The following PHACTR1 variants were observed in gnomAD, a reference collection of about 807,000 sequenced individuals.
PHACTR1 encodes the protein phosphatase and actin regulator 1.
Under a neutral mutation model 69.2 loss-of-function variants are expected in PHACTR1, and 16 were observed. The ratio of observed to expected loss-of-function variants is 0.23; its 90% confidence interval spans 0.16 to 0.35. The LOEUF (loss-of-function observed/expected upper bound fraction) is 0.35, where lower values mean the gene tolerates loss of function less well. Ranked by LOEUF, PHACTR1 falls within the 10% of genes least tolerant of loss-of-function variation. The pLI, the probability that PHACTR1 is intolerant of heterozygous loss-of-function variation, is 1.00. For synonymous variants in PHACTR1, 312 were observed against 284.5 expected, an observed-to-expected ratio of 1.10 and a Z score of -0.97; for missense variants, 510 against 734.7, an observed-to-expected ratio of 0.69 and a Z score of 3.54.
At chr6:12,962,002 C>T (rs1792806477) in intron 4 of PHACTR1, among the ~76,000 whole-genome samples, 1 of 152,186 alleles carries the variant, frequency 6.6e-6, no homozygotes, top group South Asian at 2.1e-4. Context: ...GATCTCAGCT[C>T]TCTGCAGCCT....
chr6:13,032,167 C>T (rs1299608746), intron 4 of PHACTR1, among the ~76,000 whole-genome samples: 1 of 152,178 alleles, frequency 6.6e-6, no homozygotes, highest in East Asian at 1.9e-4. Flanking sequence ...TTTGCCAACT[C>T]ATTCCTTAGT....
intron 5 of PHACTR1, among the ~76,000 whole-genome samples, chr6:13,098,281 A>T (rs1814603678): frequency 6.6e-6 from 1 of 152,180 alleles, no homozygotes; most frequent in Admixed American, 6.5e-5. Context: ...CCAATTGAAC[A>T]GTCCTTCTTA....
intron 10 of PHACTR1, among the ~76,000 whole-genome samples, chr6:13,268,561 C>T (rs1189545571): frequency 2.0e-5 from 3 of 152,200 alleles, no homozygotes; most frequent in Non-Finnish European, 4.4e-5. Context: ...ACATTATAGG[C>T]ATTAAATCAG....
At chr6:12,864,572 C>T (rs890110955) in intron 4 of PHACTR1, among the ~76,000 whole-genome samples, 5 of 151,610 alleles carry the variant, frequency 3.3e-5, no homozygotes, top group African/African-American at 4.8e-5. Flanking sequence ...CCCAGCTACT[C>T]GGGAGGCTGA....
At chr6:12,890,941 A>G (rs538502423) in intron 4 of PHACTR1, among the ~76,000 whole-genome samples, 18 of 152,294 alleles carry the variant, frequency 1.2e-4, no homozygotes, top group Non-Finnish European at 1.9e-4. Flanking sequence ...TTGTTCACTC[A>G]TGTATCCCAG....
At chr6:13,197,252 G>A (rs538835761) in intron 7 of PHACTR1, among the ~76,000 whole-genome samples, 1 of 152,276 alleles carries the variant, frequency 6.6e-6, no homozygotes, top group African/African-American at 2.4e-5. Flanking sequence ...TGGAGACTTT[G>A]TAAAATTAGA....
chr6:12,809,681 T>C (rs376275995), intron 4 of PHACTR1, among the ~76,000 whole-genome samples: 6 of 152,228 alleles, frequency 3.9e-5, no homozygotes, highest in African/African-American at 1.2e-4. Context: ...AAATGGTAGA[T>C]GTGAGCACAG....
rs148314479 is a variant in PHACTR1 at position 13,157,806 on chromosome 6, A to G, written c.416-2398A>G. ...AACATCTGTAACAAACCCCGTACTTAAAGCCCCCCTGCTTCACCTTACCTG... is the reference window on the plus strand; with the variant it reads ...AACATCTGTAACAAACCCCGTACTTGAAGCCCCCCTGCTTCACCTTACCTG... On this transcript the variant is annotated intron_variant, in intron 5 of 14. Coordinates refer to ENST00000332995, the MANE Select transcript of PHACTR1 (RefSeq NM_030948.6). 2.5e-3 allele frequency among the ~76,000 whole-genome samples: 385 copies of G among 152,306 alleles called. 3 individuals are homozygous for G. Among genetic ancestry groups the G allele is most frequent in the African/African-American group, 9.0e-3 (374 of 41,572 alleles).
intron 6 of PHACTR1, among the ~76,000 whole-genome samples, chr6:13,181,010 C>T (rs181398450): frequency 5.9e-4 from 90 of 152,170 alleles, no homozygotes; most frequent in African/African-American, 2.1e-3. Context: ...AAAAAAAACA[C>T]ACTCTTCAAA....
chr6:12,720,903 A>G (rs1164079561), intron 3 of PHACTR1, among the ~76,000 whole-genome samples: 1 of 152,236 alleles, frequency 6.6e-6, no homozygotes, highest in East Asian at 1.9e-4. Flanking sequence ...TAGAGGCAGG[A>G]TGACATAGTG....
chr6:12,743,819 A>AC (rs1765397347), intron 3 of PHACTR1, among the ~76,000 whole-genome samples: 1 of 152,230 alleles, frequency 6.6e-6, no homozygotes. Context: ...ATAGACATCT[A>AC]CAGAACTCTC....
chr6:12,859,253 T>G lies in PHACTR1; in HGVS notation c.250+109463T>G, dbSNP rs79652590. ...ATCACAGGTTACTGGCCATTCTTTTTTAATACCCTACACATACTTTTTTTC... is the reference window on the plus strand; with the variant it reads ...ATCACAGGTTACTGGCCATTCTTTTGTAATACCCTACACATACTTTTTTTC... On this transcript the variant is annotated intron_variant, in intron 4 of 14. Transcript: ENST00000332995. Among the ~76,000 whole-genome samples the G allele has an allele frequency of 9.1e-3, 1,384 of 152,310 alleles. 7 individuals carry two copies. The highest frequency in any genetic ancestry group is 0.014 in the Non-Finnish European group (960 of 68,012).
At chr6:12,884,370 C>A (rs1289880261) in intron 4 of PHACTR1, among the ~76,000 whole-genome samples, 1 of 151,676 alleles carries the variant, frequency 6.6e-6, no homozygotes, top group African/African-American at 2.4e-5. Context: ...CATCATGGTT[C>A]AGTCCAGACA....
chr6:13,111,025 G>A (rs566469281), intron 5 of PHACTR1, among the ~76,000 whole-genome samples: 2 of 151,922 alleles, frequency 1.3e-5, no homozygotes, highest in African/African-American at 2.4e-5. Flanking sequence ...TCCTTTGAAT[G>A]GATATACCAC....
At position 13,186,084 on chromosome 6, in the gene PHACTR1, G is replaced by C. The variant is rs191118348; in HGVS notation, c.664+3398G>C. 1.7e-3 allele frequency among the ~76,000 whole-genome samples: 252 copies of C among 152,286 alleles called. 2 individuals carry two copies. Among genetic ancestry groups the C allele is most frequent in the African/African-American group, 6.0e-3 (248 of 41,546 alleles). On this transcript the variant is annotated intron_variant, in intron 7 of 14. Transcript: ENST00000332995. ...GTCAAACTAATCTATTAATGTGTAT[G>C]TCCATCCAAGTCAGATGTGTATGGC...
intron 4 of PHACTR1, among the ~76,000 whole-genome samples, chr6:12,856,226 T>A (rs1358837909): frequency 4.0e-5 from 6 of 150,686 alleles, no homozygotes; most frequent in Non-Finnish European, 8.8e-5. Context: ...CTTTCTTTTT[T>A]TCTTTTCTTT....
chr6:12,981,192 A>G (rs529639900), intron 4 of PHACTR1, among the ~76,000 whole-genome samples: 143 of 152,258 alleles, frequency 9.4e-4, no homozygotes, highest in Non-Finnish European at 1.6e-3. Context: ...AATCGCCAAG[A>G]ACTTCATAAT....
Position 13,287,107 on chromosome 6 carries a change from G to A in PHACTR1, c.*29G>A, listed in dbSNP as rs778724576. 11 of 1,587,898 alleles carry A rather than the reference G, an allele frequency of 6.9e-6. No individual in the cohort carries two copies. The South Asian group carries it at 1.1e-4, about 16-fold the overall frequency. The stretch of plus-strand genomic sequence containing the variant: ...TCGAATTCCTCTTGAGTGCTATGCT[G>A]TCTTCAAAACATAAATTTATAAGAA... On this transcript the variant is annotated 3_prime_UTR_variant, in exon 15 of 15. Coordinates refer to ENST00000332995, the MANE Select transcript of PHACTR1 (RefSeq NM_030948.6).
Position 13,205,895 on chromosome 6 carries a change from A to G in PHACTR1, c.745A>G (p.Met249Val). 1 of 1,613,318 alleles carries G rather than the reference A, an allele frequency of 6.2e-7. No homozygotes were observed. The highest frequency in any genetic ancestry group is 8.5e-7 in the Non-Finnish European group (1 of 1,179,344). ...ACCTCCAAAGAAAGTCATGATCTGT[A>G]TGCCCGTGGGGGGGCCAGACCTCTC... ...PLPPKKVMIC[M>V]PVGGPDLSLV... Residue 249 changes from methionine (M) to valine (V), a missense_variant, in exon 8 of 15, where the codon ATG becomes GTG. Around this residue, in one of 2 missense-constraint regions of PHACTR1, gnomAD observed 419 missense variants for 530.9 expected, o/e 0.79. Coordinates refer to ENST00000332995, the MANE Select transcript of PHACTR1 (RefSeq NM_030948.6).
Sources: gnomAD v4.1 joint callset for allele counts (sites outside exome capture counted in the v4.1 genomes callset) on GRCh38, gnomAD v4.1.1 for gene constraint, gnomAD v4.1.1 regional missense constraint, MANE v1.5 for transcripts, NCBI Gene and HGNC (gene_info 2026-07-23, HGNC 2026-07-21) for gene names.